Variants in IGSF5 observed in about 807,000 individuals in gnomAD.
The protein encoded by IGSF5 is immunoglobulin superfamily 5 like.
A neutral mutation model predicts 39.4 loss-of-function variants in IGSF5; 41 were observed. That is an observed-to-expected ratio of 1.04 (90% CI 0.81 to 1.35). The LOEUF (loss-of-function observed/expected upper bound fraction) is 1.35, where lower values mean the gene tolerates loss of function less well. Ranked by LOEUF, IGSF5 falls within the 40% of genes most tolerant of loss-of-function variation. The pLI is 0.00. For synonymous variants in IGSF5, 183 were observed against 175.3 expected, an observed-to-expected ratio of 1.04 and a Z score of -0.34; for missense variants, 487 against 494.6, an observed-to-expected ratio of 0.98 and a Z score of 0.15.
At chr21:39,763,990 T>A (rs1411950064) in intron 2 of IGSF5, among the ~76,000 whole-genome samples, 3 of 152,102 alleles carry the variant, frequency 2.0e-5, no homozygotes. Flanking sequence ...ATACTTTCTT[T>A]CTGTTTTTTT....
chr21:39,715,460 G>T, the IGSF5 span, among the ~76,000 whole-genome samples: 1 of 152,158 alleles, frequency 6.6e-6, no homozygotes, highest in Non-Finnish European at 1.5e-5. Context: ...CTTTCTAAAT[G>T]TAAATACATG....
intron 5 of IGSF5, among the ~76,000 whole-genome samples, chr21:39,783,732 C>T (rs2080183296): frequency 6.6e-6 from 1 of 152,070 alleles, no homozygotes. Flanking sequence ...AATATAGTCC[C>T]ATTTGTCTAT....
At chr21:39,772,015 C>G (rs2837201) in intron 4 of IGSF5, among the ~76,000 whole-genome samples, 7,354 of 152,250 alleles carry the variant, frequency 0.048, 247 homozygotes, top group Non-Finnish European at 0.069. Context: ...AAGCTTTTCC[C>G]ACCATGAAAA....
At chr21:39,798,389 T>G (rs1356334834) in intron 8 of IGSF5, among the ~76,000 whole-genome samples, 1 of 152,194 alleles carries the variant, frequency 6.6e-6, no homozygotes, top group African/African-American at 2.4e-5. Context: ...GGGTTGGTAG[T>G]GCCATGCTCT....
At chr21:39,755,745 A>G (rs2080026501) in intron 2 of IGSF5, among the ~76,000 whole-genome samples, 1 of 152,070 alleles carries the variant, frequency 6.6e-6, no homozygotes, top group African/African-American at 2.4e-5. Context: ...AGTCTATTGT[A>G]GATTATTGCA....
upstream of IGSF5, among the ~76,000 whole-genome samples, chr21:39,741,147 G>A (rs369936542): frequency 1.4e-4 from 22 of 151,970 alleles, 1 homozygote; most frequent in African/African-American, 5.3e-4. Context: ...GTCTTGCCCC[G>A]TTAGCAAGCT....
At chr21:39,783,340 G>A (rs896837056) in intron 5 of IGSF5, among the ~76,000 whole-genome samples, 2 of 152,084 alleles carry the variant, frequency 1.3e-5, no homozygotes, top group South Asian at 4.1e-4. Flanking sequence ...AATAGAGTAT[G>A]AGAGTTTCCA....
intron 8 of IGSF5, among the ~76,000 whole-genome samples, chr21:39,796,468 C>G (rs2086996684): frequency 6.6e-6 from 1 of 152,230 alleles, no homozygotes; most frequent in East Asian, 1.9e-4. Context: ...TTTCTCCATT[C>G]TGCAATAAGC....
intron 4 of IGSF5, among the ~76,000 whole-genome samples, chr21:39,775,353 A>G (rs1332950861): frequency 6.6e-6 from 1 of 152,168 alleles, no homozygotes; most frequent in Admixed American, 6.5e-5. Context: ...AGTGATTGTC[A>G]TTCACACTAT....
intron 2 of IGSF5, among the ~76,000 whole-genome samples, chr21:39,759,390 G>A (rs1323334188): frequency 6.6e-6 from 1 of 152,194 alleles, no homozygotes; most frequent in Non-Finnish European, 1.5e-5. Context: ...AGGAAGACAA[G>A]GTCCCTGCTT....
At chr21:39,738,398 ATAC>A in the IGSF5 span, among the ~76,000 whole-genome samples, 1 of 152,226 alleles carries the variant, frequency 6.6e-6, no homozygotes, top group Non-Finnish European at 1.5e-5. This position sits in a 1 kb window ranked among gnomAD's most constrained non-coding sequence, Gnocchi z 6.4. Context: ...CCTTCCCACA[ATAC>A]GCAGGAATTA....
At chr21:39,715,355 G>A in the IGSF5 span, among the ~76,000 whole-genome samples, 5 of 152,288 alleles carry the variant, frequency 3.3e-5, no homozygotes, top group African/African-American at 9.6e-5. Flanking sequence ...CTGGGCTCAA[G>A]TAATCCTCCT....
intron 4 of IGSF5, among the ~76,000 whole-genome samples, chr21:39,775,017 C>G (rs1041137999): frequency 6.6e-6 from 1 of 152,180 alleles, no homozygotes; most frequent in Non-Finnish European, 1.5e-5. Flanking sequence ...TATAAATATG[C>G]TGAGGCTCAG....
At chr21:39,756,376 TCA>T (rs2080030801) in intron 2 of IGSF5, among the ~76,000 whole-genome samples, 1 of 152,202 alleles carries the variant, frequency 6.6e-6, no homozygotes, top group Non-Finnish European at 1.5e-5. Flanking sequence ...TGTTTTCCCA[TCA>T]CAGTTTCAAT....
intron 8 of IGSF5, among the ~76,000 whole-genome samples, chr21:39,797,284 T>A (rs544827792): frequency 1.0e-4 from 15 of 148,268 alleles, no homozygotes; most frequent in Non-Finnish European, 1.9e-4. Context: ...AGTGGTGTGA[T>A]CTTGGCTCAC....
intron 3 of IGSF5, among the ~76,000 whole-genome samples, chr21:39,770,078 G>T (rs1487632401): frequency 3.3e-5 from 5 of 152,026 alleles, no homozygotes; most frequent in Non-Finnish European, 7.4e-5. Context: ...TCTTAGTTCA[G>T]TATTCTTTCC....
intron 8 of IGSF5, among the ~76,000 whole-genome samples, chr21:39,794,083 G>T (rs1378268388): frequency 6.6e-6 from 1 of 152,194 alleles, no homozygotes; most frequent in Non-Finnish European, 1.5e-5. Flanking sequence ...CAGAGAAAAT[G>T]TAGTTTGCTC....
At chr21:39,799,031 G>C (rs2087013622) in intron 8 of IGSF5, among the ~76,000 whole-genome samples, 1 of 152,180 alleles carries the variant, frequency 6.6e-6, no homozygotes, top group Non-Finnish European at 1.5e-5. Flanking sequence ...ACTTAGGCCA[G>C]GTCCTCAGGG....
chr21:39,738,112 C>T, the IGSF5 span, among the ~76,000 whole-genome samples: 3 of 152,146 alleles, frequency 2.0e-5, no homozygotes, highest in East Asian at 1.9e-4. The surrounding 1 kb of genome is among the most constrained non-coding windows in gnomAD (Gnocchi z 6.4). Flanking sequence ...GCAGCTGATG[C>T]ATTAGTCTGT....
Sources: allele counts gnomAD v4.1 joint callset (sites outside exome capture counted in the v4.1 genomes callset), GRCh38; gene constraint gnomAD v4.1.1; non-coding constraint Gnocchi (gnomAD v3.1); transcripts MANE v1.5; gene names NCBI Gene and HGNC (gene_info 2026-07-23, HGNC 2026-07-21).